The following LMLN variants were observed in gnomAD, a reference collection of about 807,000 sequenced individuals.
The protein encoded by LMLN is leishmanolysin-like peptidase.
LMLN carries 70 observed loss-of-function variants against 92.3 expected under a neutral mutation model. The observed-to-expected ratio is 0.76, with a 90% CI of 0.63 to 0.92. The LOEUF is 0.92. Ranked by LOEUF, LMLN falls within the 40% of genes least tolerant of loss-of-function variation. The pLI is 0.00. For synonymous variants in LMLN, 308 were observed against 296.2 expected (o/e 1.04, Z -0.41); for missense variants, 691 against 814.6 (o/e 0.85, Z 1.85).
chr3:197,973,203 T>C (rs1313037991), intron 1 of LMLN, among the ~76,000 whole-genome samples: 2 of 152,132 alleles, frequency 1.3e-5, no homozygotes, highest in Non-Finnish European at 2.9e-5. Context: ...AATGGATTGC[T>C]AAAATGTACC....
At chr3:197,973,713 G>A (rs920740552) in intron 1 of LMLN, among the ~76,000 whole-genome samples, 13 of 152,296 alleles carry the variant, frequency 8.5e-5, no homozygotes, top group Admixed American at 2.6e-4. Context: ...TAGATCAAAC[G>A]TAGTTTTCTA....
At chr3:198,006,747 C>T (rs1477811311) in intron 11 of LMLN, among the ~76,000 whole-genome samples, 2 of 151,048 alleles carry the variant, frequency 1.3e-5, no homozygotes. Context: ...GAGTTTTGCT[C>T]CGTCACCCAG....
intron 11 of LMLN, among the ~76,000 whole-genome samples, chr3:198,010,407 C>G (rs1260184752): frequency 1.3e-5 from 2 of 152,052 alleles, no homozygotes; most frequent in Non-Finnish European, 2.9e-5. Flanking sequence ...CCTTGGCCTC[C>G]CAAAGTGCTG....
chr3:198,036,472 C>T (rs1440280010), intron 15 of LMLN, among the ~76,000 whole-genome samples: 1 of 151,734 alleles, frequency 6.6e-6, no homozygotes, highest in African/African-American at 2.4e-5. Context: ...ATTGGCATAC[C>T]CACAAAGAGG....
chr3:197,969,747 T>C (rs775673529), intron 1 of LMLN, among the ~76,000 whole-genome samples: 2 of 152,224 alleles, frequency 1.3e-5, no homozygotes, highest in Non-Finnish European at 2.9e-5. Flanking sequence ...AAAATAGTCA[T>C]GTTAAATATG....
At chr3:197,989,948 C>T (rs1721819127) in intron 8 of LMLN, among the ~76,000 whole-genome samples, 1 of 152,164 alleles carries the variant, frequency 6.6e-6, no homozygotes, top group Non-Finnish European at 1.5e-5. Flanking sequence ...GAACATAGCT[C>T]ACTGCAGCCT....
intron 11 of LMLN, among the ~76,000 whole-genome samples, chr3:198,001,230 G>C (rs1490365469): frequency 6.6e-6 from 1 of 152,156 alleles, no homozygotes; most frequent in African/African-American, 2.4e-5. Context: ...ACTAGATTAT[G>C]ATCTTCATGA....
chr3:198,037,639 AAAAT>A (rs1723270482), intron 15 of LMLN, among the ~76,000 whole-genome samples: 1 of 152,254 alleles, frequency 6.6e-6, no homozygotes, highest in Admixed American at 6.5e-5. Flanking sequence ...ACTCTGTCTC[AAAAT>A]AAATAAATAA....
intron 1 of LMLN, among the ~76,000 whole-genome samples, chr3:197,973,236 C>T (rs935967810): frequency 6.6e-6 from 1 of 151,166 alleles, no homozygotes. Flanking sequence ...TGTGCTCAGA[C>T]ATTTCTGATT....
chr3:197,977,895 A>G (rs566024210), intron 5 of LMLN, among the ~76,000 whole-genome samples: 210 of 152,174 alleles, frequency 1.4e-3, no homozygotes, highest in African/African-American at 5.0e-3. Context: ...TACACACGTT[A>G]ATTCTGGATA....
At chr3:197,968,402 G>T (rs1721122315) in intron 1 of LMLN, among the ~76,000 whole-genome samples, 2 of 151,904 alleles carry the variant, frequency 1.3e-5, no homozygotes, top group Non-Finnish European at 2.9e-5. Context: ...CTTGCAGTGA[G>T]CTGAGATTGC....
intron 15 of LMLN, among the ~76,000 whole-genome samples, chr3:198,036,874 C>T (rs1723249375): frequency 6.6e-6 from 1 of 152,180 alleles, no homozygotes; most frequent in Non-Finnish European, 1.5e-5. Flanking sequence ...TTCATTTTCT[C>T]AACTAGAGGT....
chr3:198,013,478 C>A (rs1722513977), intron 11 of LMLN, among the ~76,000 whole-genome samples: 1 of 138,986 alleles, frequency 7.2e-6, no homozygotes, highest in Non-Finnish European at 1.5e-5. Flanking sequence ...TCAGAGCCCC[C>A]TAACTAGTCT....
At chr3:197,989,852 G>T (rs1173960037) in intron 8 of LMLN, among the ~76,000 whole-genome samples, 6 of 152,090 alleles carry the variant, frequency 3.9e-5, no homozygotes, top group African/African-American at 1.2e-4. Flanking sequence ...AGCAGATCTT[G>T]TCCCAACAAA....
At chr3:197,999,364 G>A (rs762119566) in intron 11 of LMLN, 22 bp downstream of exon 11, 12 of 1,505,466 alleles carry the variant, frequency 8.0e-6, no homozygotes, top group Non-Finnish European at 1.0e-5. Flanking sequence ...GTGACAAGAG[G>A]ATATGAATTG....
Position 198,031,918 on chromosome 3 carries a change from A to G in LMLN, c.1657-3915A>G, listed in dbSNP as rs1403283345. ...AGAGTTTGAAAGCAGCCTGGCCAAC[A>G]TGATGAAACCCCTCATCTACTAAAA... On this transcript the variant is annotated intron_variant, in intron 14 of 15. Coordinates refer to ENST00000330198, the Ensembl canonical transcript of LMLN. The surrounding 1 kb of genome is among the most constrained non-coding windows in gnomAD (Gnocchi z 4.8). Among the ~76,000 whole-genome samples the G allele has an allele frequency of 6.6e-6, 1 of 152,048 alleles. No homozygotes were observed. The highest frequency in any genetic ancestry group is 1.5e-5 in the Non-Finnish European group (1 of 68,018).
At chr3:197,966,910 C>T (rs1721076131) in intron 1 of LMLN, among the ~76,000 whole-genome samples, 1 of 152,170 alleles carries the variant, frequency 6.6e-6, no homozygotes, top group Non-Finnish European at 1.5e-5. Context: ...CCTCCTGCCT[C>T]AGCCTCCCAG....
At position 198,031,162 on chromosome 3, in the gene LMLN, CAAA is replaced by C. The variant is rs1284964553; in HGVS notation, c.1657-4670_1657-4668del. Among the ~76,000 whole-genome samples, 1 of 152,176 alleles carries C rather than the reference CAAA, an allele frequency of 6.6e-6. No individual in the cohort carries two copies. The highest frequency in any genetic ancestry group is 2.4e-5 in the African/African-American group (1 of 41,438). ...GAGCCCACATGAGTAAATGAAAACTCAAAGAAGTGTGAAACCTATATACTTTTA... is the reference window on the plus strand; with the variant it reads ...GAGCCCACATGAGTAAATGAAAACTCGAAGTGTGAAACCTATATACTTTTA... On this transcript the variant is annotated intron_variant, in intron 14 of 15. Coordinates refer to ENST00000330198, the Ensembl canonical transcript of LMLN. The surrounding 1 kb of genome is among the most constrained non-coding windows in gnomAD (Gnocchi z 4.8).
At chr3:197,996,523 A>G in intron 10 of LMLN, 1 of 272,122 alleles carries the variant, frequency 3.7e-6, no homozygotes, top group Non-Finnish European at 6.8e-6. Context: ...ATGGGTTCAC[A>G]TATTTATGCA....
Sources: allele counts gnomAD v4.1 joint callset (sites outside exome capture counted in the v4.1 genomes callset), GRCh38; gene constraint gnomAD v4.1.1; non-coding constraint Gnocchi (gnomAD v3.1); transcripts MANE v1.5; gene names NCBI Gene and HGNC (gene_info 2026-07-23, HGNC 2026-07-21).